PCLO: variants seen among roughly 807,000 people sequenced by gnomAD.
PCLO encodes the protein piccolo presynaptic cytomatrix protein.
A neutral mutation model predicts 427.5 loss-of-function variants in PCLO; 82 were observed. The ratio of observed to expected loss-of-function variants is 0.19; its 90% CI spans 0.16 to 0.23. PCLO has a LOEUF of 0.23. Ranked by LOEUF, PCLO falls within the 10% of genes least tolerant of loss-of-function variation. PCLO has a pLI of 1.00. For synonymous variants in PCLO, 2,357 were observed against 2,155.4 expected (o/e 1.09, Z -2.59); for missense variants, 6,239 against 6,115.9 (o/e 1.02, Z -0.67).
chr7:83,156,580 A>G (rs1792307807), intron 1 of PCLO, among the ~76,000 whole-genome samples, 188 bp from the exon 2 acceptor site: 1 of 151,772 alleles, frequency 6.6e-6, no homozygotes, highest in African/African-American at 2.4e-5. Flanking sequence ...CTTTCTTTAA[A>G]TGGGTAGAGA....
chr7:83,072,923 C>T (rs976254523), intron 3 of PCLO, among the ~76,000 whole-genome samples: 2 of 151,924 alleles, frequency 1.3e-5, no homozygotes, highest in African/African-American at 4.8e-5. Flanking sequence ...TTACCTTCAA[C>T]ATCAAATCAG....
At chr7:82,873,816 A>AC (rs1793299442) in intron 10 of PCLO, among the ~76,000 whole-genome samples, 1 of 133,916 alleles carries the variant, frequency 7.5e-6, no homozygotes, top group East Asian at 2.6e-4. Context: ...GTAGTTCTAG[A>AC]TTGGGGGGGT....
rs539460812 is a variant in PCLO, at chr7:82,935,163, G to C, written c.11112+14313C>G. Among the ~76,000 whole-genome samples, 105 of 96,602 alleles carry C rather than the reference G, an allele frequency of 1.1e-3. 1 individual carries two copies. Among genetic ancestry groups the C allele is most frequent in the Middle Eastern group, 9.3e-3 (1 of 108 alleles). 63.4% of individuals were successfully genotyped at this position (96,602 alleles called of 152,430 possible). A position where few individuals can be genotyped will look rare whatever the true frequency, so the allele number is the denominator to read the frequency against. On this transcript the variant is annotated intron_variant, in intron 6 of 24. Coordinates refer to ENST00000333891, the MANE Select transcript of PCLO (RefSeq NM_033026.6). ...AAAAATGTAGGTAAGACCATACATA[G>C]AATGACCAGGAAGCAAGCAGCCTGG...
intron 22 of PCLO, among the ~76,000 whole-genome samples, chr7:82,799,356 T>C (rs1021383306): frequency 9.9e-5 from 15 of 152,208 alleles, no homozygotes; most frequent in Non-Finnish European, 1.5e-4. Flanking sequence ...GTTTGAGAGT[T>C]GTTCAGCCTT....
In PCLO at chr7:83,134,928, C is replaced by A; in HGVS notation, c.2622G>T (p.Gly874=). 1 of 1,605,400 alleles carries A rather than the reference C, an allele frequency of 6.2e-7. No individual in the cohort carries two copies. Residue 874 remains glycine (G), a synonymous_variant, in exon 3 of 25, where the codon GGG becomes GGT. Coordinates refer to ENST00000333891, the MANE Select transcript of PCLO (RefSeq NM_033026.6). ...PKPDAKPMPK[G]SPTPPGPRPT... is the part of the protein sequence containing the mutation. Reference sequence around the variant, plus strand: ...GTCGTGGGCCAGGGGGTGTTGGTGACCCTTTTGGCATTGGCTTGGCATCTG... The same window carrying A: ...GTCGTGGGCCAGGGGGTGTTGGTGAACCTTTTGGCATTGGCTTGGCATCTG...
At chr7:82,841,693 A>T (rs1301630612) in intron 13 of PCLO, among the ~76,000 whole-genome samples, 184 bp from the exon 14 acceptor site, 1 of 152,082 alleles carries the variant, frequency 6.6e-6, no homozygotes, top group Admixed American at 6.6e-5. Context: ...ATTTAATTTT[A>T]CAGATGCATA....
In PCLO at chr7:82,863,698, C is replaced by G. The variant is rs536920616; in HGVS notation, c.13654+15639G>C. Among the ~76,000 whole-genome samples, 16 of 152,054 alleles carry G rather than the reference C, an allele frequency of 1.1e-4. No homozygotes were observed. The South Asian group carries it at 3.3e-3, about 32-fold the overall frequency. On this transcript the variant is annotated intron_variant, in intron 10 of 24. Transcript: ENST00000333891. ...AGAATAAAACTTAACTATGTTCCCT[C>G]CAGCTTTCTAATATTCATGTAGAGA...
intron 3 of PCLO, among the ~76,000 whole-genome samples, chr7:82,978,320 T>TA (rs572979240): frequency 3.3e-5 from 5 of 151,972 alleles, no homozygotes; most frequent in Non-Finnish European, 5.9e-5. Flanking sequence ...GGCTAATTGT[T>TA]AAAAAAATAT....
chr7:82,854,217 C>A (rs958553901), intron 10 of PCLO, among the ~76,000 whole-genome samples: 1 of 151,998 alleles, frequency 6.6e-6, no homozygotes, highest in Non-Finnish European at 1.5e-5. Flanking sequence ...AGTTTCTTTT[C>A]TCTCGGCATT....
rs148171489 is a variant in PCLO at position 83,048,206 on chromosome 7, T to C, written c.3301-81719A>G. The stretch of plus-strand genomic sequence containing the variant: ...TTAGAATTTAAATTTCAGATTGTTA[T>C]AGGATTATGGCATTACTATATCTAG... On this transcript the variant is annotated intron_variant, in intron 3 of 24. Transcript: ENST00000333891. Among the ~76,000 whole-genome samples, 398 of 152,254 alleles carry C rather than the reference T, an allele frequency of 2.6e-3. 2 individuals are homozygous for C. Among genetic ancestry groups the C allele is most frequent in the African/African-American group, 9.3e-3 (385 of 41,562 alleles).
intron 10 of PCLO, among the ~76,000 whole-genome samples, chr7:82,873,406 T>A (rs1292983296): frequency 6.6e-6 from 1 of 152,038 alleles, no homozygotes; most frequent in Admixed American, 6.6e-5. Context: ...AGGAATAAGC[T>A]ATGTGAGTCT....
intron 6 of PCLO, among the ~76,000 whole-genome samples, chr7:82,939,971 T>C (rs1642854637): frequency 6.6e-6 from 1 of 152,040 alleles, no homozygotes. Flanking sequence ...AAGAAATACT[T>C]TATGCAGTCC....
intron 2 of PCLO, among the ~76,000 whole-genome samples, chr7:83,138,920 A>G (rs1791796675): frequency 6.6e-6 from 1 of 152,072 alleles, no homozygotes; most frequent in South Asian, 2.1e-4. Context: ...GCACGTGTAT[A>G]TCTATGTAAC....
intron 3 of PCLO, among the ~76,000 whole-genome samples, chr7:83,095,496 T>A (rs1253935940): frequency 1.3e-5 from 2 of 151,956 alleles, no homozygotes; most frequent in Admixed American, 1.3e-4. Context: ...CTATTTTTTT[T>A]AGGTTCTTAA....
At chr7:83,133,563 TTCATGTTAGTTATA>T (rs1241883780) in intron 3 of PCLO, among the ~76,000 whole-genome samples, 4 of 152,074 alleles carry the variant, frequency 2.6e-5, no homozygotes, top group African/African-American at 4.8e-5. Flanking sequence ...TAAAAAACCC[TTCATGTTAGTTATA>T]GAAATTCATA....
chr7:82,819,523 T>C (rs964630838), intron 20 of PCLO, among the ~76,000 whole-genome samples: 2 of 152,074 alleles, frequency 1.3e-5, no homozygotes, highest in East Asian at 1.9e-4. Flanking sequence ...ACTGAACTTA[T>C]TTGATGGAAG....
chr7:83,008,780 T>A (rs1788008843), intron 3 of PCLO, among the ~76,000 whole-genome samples: 2 of 151,802 alleles, frequency 1.3e-5, no homozygotes, highest in Admixed American at 6.6e-5. Flanking sequence ...ATATCAATTA[T>A]CATATTGGTA....
intron 3 of PCLO, among the ~76,000 whole-genome samples, chr7:83,105,383 T>A (rs1016368050): frequency 2.0e-5 from 3 of 152,214 alleles, no homozygotes; most frequent in Admixed American, 2.0e-4. Flanking sequence ...AGATTTGGGA[T>A]CATATCCCTG....
chr7:82,892,630 G>A (rs573144941), intron 9 of PCLO, among the ~76,000 whole-genome samples: 41 of 152,096 alleles, frequency 2.7e-4, no homozygotes, highest in Non-Finnish European at 5.9e-4. Flanking sequence ...TACCATCAGA[G>A]TGAACAGGCA....
Sources: allele counts gnomAD v4.1 joint callset (sites outside exome capture counted in the v4.1 genomes callset), GRCh38; gene constraint gnomAD v4.1.1; transcripts MANE v1.5; gene names NCBI Gene and HGNC (gene_info 2026-07-23, HGNC 2026-07-21).